The following DST variants were observed in gnomAD, a reference collection of about 807,000 sequenced individuals.
The protein encoded by DST is dystonin.
A neutral mutation model predicts 875.2 loss-of-function variants in DST; 253 were observed. The observed-to-expected ratio is 0.29, with a 90% CI of 0.26 to 0.32. DST has a LOEUF of 0.32. Ranked by LOEUF, DST falls within the 10% of genes least tolerant of loss-of-function variation. DST has a pLI of 1.00. For synonymous variants in DST, 3,124 were observed against 3,197.1 expected (o/e 0.98, Z 0.77); for missense variants, 8,287 against 9,111.6 (o/e 0.91, Z 3.68).
chr6:56,869,748 G>A lies in DST; in HGVS notation c.418-18144C>T, dbSNP rs191475754. On this transcript the variant is annotated intron_variant, in intron 3 of 103. Coordinates refer to ENST00000680361, the MANE Select transcript of DST (RefSeq NM_001374736.1). ...ATCGCTCTGTCACCAAGGCTGAAGT[G>A]CAGTGGTACAATCTCAGCCTCAACC... Among the ~76,000 whole-genome samples, 11 of 152,222 alleles carry A rather than the reference G, an allele frequency of 7.2e-5. No homozygotes were observed. The East Asian group carries it at 1.9e-3, about 27-fold the overall frequency.
In DST at chr6:56,617,055, A is replaced by C. The variant is rs1563216810; in HGVS notation, c.4930-2571T>G. The C allele has an allele frequency of 6.2e-7, 1 of 1,614,092 alleles. No homozygotes were observed. The highest frequency in any genetic ancestry group is 8.5e-7 in the Non-Finnish European group (1 of 1,179,956). On this transcript the variant is annotated intron_variant, in intron 36 of 103. Coordinates refer to ENST00000680361, the MANE Select transcript of DST (RefSeq NM_001374736.1). ...GATTCTAGGTAAAGCCCTGCAATTG[A>C]GGTGGCTTTCGTCAGAAACTTGTTA...
chr6:56,558,941 TC>T (rs751861762), intron 58 of DST, among the ~76,000 whole-genome samples: 2 of 152,136 alleles, frequency 1.3e-5, no homozygotes, highest in Non-Finnish European at 2.9e-5. Flanking sequence ...GTTTTCTCCA[TC>T]CTCAAGACAG....
intron 3 of DST, among the ~76,000 whole-genome samples, chr6:56,883,963 C>T (rs1211829976): frequency 6.6e-6 from 1 of 151,964 alleles, no homozygotes; most frequent in Non-Finnish European, 1.5e-5. Flanking sequence ...GACCATGTTT[C>T]TTCAAAAAAA....
At chr6:56,953,189 G>C (rs1823244181) in intron 2 of DST, among the ~76,000 whole-genome samples, 1 of 152,206 alleles carries the variant, frequency 6.6e-6, no homozygotes, top group African/African-American at 2.4e-5. Context: ...TGTTTCTTCA[G>C]TGGAGCTGGT....
intron 5 of DST, among the ~76,000 whole-genome samples, chr6:56,711,501 C>G (rs1362996453): frequency 1.3e-5 from 2 of 152,114 alleles, no homozygotes; most frequent in Non-Finnish European, 2.9e-5. Context: ...ACATTTTCCC[C>G]TGAACCTGTA....
In DST at chr6:56,572,729, G is replaced by A. The variant is rs1205308085; in HGVS notation, c.13554+18C>T. Reference sequence around the variant, plus strand: ...TTAATCTATCTGATTAGCCTCCTGAGTAGTAAGGGAGGCATACCTGCATAT... The same window carrying A: ...TTAATCTATCTGATTAGCCTCCTGAATAGTAAGGGAGGCATACCTGCATAT... On this transcript the variant is annotated intron_variant, in intron 52 of 103. Transcript: ENST00000680361. 7 of 1,528,184 alleles carry A rather than the reference G, an allele frequency of 4.6e-6. No individual in the cohort carries two copies. The highest frequency in any genetic ancestry group is 6.2e-6 in the Non-Finnish European group (7 of 1,136,174). 94.7% of individuals were successfully genotyped at this position (1,528,184 alleles called of 1,614,324 possible). A position where few individuals can be genotyped will look rare whatever the true frequency, so the allele number is the denominator to read the frequency against.
chr6:56,915,161 C>T (rs969877526), intron 2 of DST, among the ~76,000 whole-genome samples: 2 of 152,180 alleles, frequency 1.3e-5, no homozygotes, highest in Non-Finnish European at 2.9e-5. Flanking sequence ...TTGCATGCAG[C>T]CTTTTCTGAG....
rs574243649 is a variant in DST at position 56,563,720 on chromosome 6, G to A, written c.14006-1520C>T. Among the ~76,000 whole-genome samples, 11 of 152,220 alleles carry A rather than the reference G, an allele frequency of 7.2e-5. No homozygotes were observed. In the East Asian group the frequency reaches 1.4e-3, roughly 19 times the overall value. ...GGATTTTTATGGTTTTAGGCCTTAC[G>A]TTTACGTCTTTAATCCATTTTCAGT... On this transcript the variant is annotated intron_variant, in intron 55 of 103. Transcript: ENST00000680361.
intron 7 of DST, among the ~76,000 whole-genome samples, chr6:56,703,248 T>G (rs943281639): frequency 6.6e-6 from 1 of 152,168 alleles, no homozygotes; most frequent in Admixed American, 6.5e-5. Flanking sequence ...AGTTCTTTCA[T>G]AAAAAGCAAT....
rs775946686 is a variant in DST at position 56,568,593 on chromosome 6, T to C, written c.13881A>G (p.Lys4627=). 1.9e-6 allele frequency: 3 copies of C among 1,598,166 alleles called. No individual in the cohort carries two copies. Among genetic ancestry groups the C allele is most frequent in the Non-Finnish European group, 1.7e-6 (2 of 1,171,698 alleles). ...DLGKSLEDTK[K]LQEKWSLKTP... ...TTTTTAAACTCCACTTTTCTTGTAATTTCTTGAGATATAAAAACACATTAT... is the reference window on the plus strand; with the variant it reads ...TTTTTAAACTCCACTTTTCTTGTAACTTCTTGAGATATAAAAACACATTAT... The change falls in exon 55 of 104, where the codon AAA becomes AAG. Residue 4627 remains lysine, a splice_region_variant and synonymous_variant. Coordinates refer to ENST00000680361, the MANE Select transcript of DST (RefSeq NM_001374736.1).
intron 90 of DST, among the ~76,000 whole-genome samples, chr6:56,481,309 C>T (rs1375233427): frequency 6.6e-6 from 1 of 152,094 alleles, no homozygotes; most frequent in African/African-American, 2.4e-5. Context: ...CTACATTGAG[C>T]GTTACCATTT....
At chr6:56,685,749 C>CA (rs577923345) in intron 9 of DST, among the ~76,000 whole-genome samples, 137 of 151,012 alleles carry the variant, frequency 9.1e-4, no homozygotes, top group Middle Eastern at 6.8e-3. Context: ...GACTCTGTCT[C>CA]AAAAAAAATA....
intron 73 of DST, 131 bp downstream of exon 73, chr6:56,511,066 A>C: frequency 1.3e-6 from 1 of 758,498 alleles, no homozygotes; most frequent in South Asian, 1.9e-5. Context: ...TGAGGGACAC[A>C]GACATCAATA....
chr6:56,819,610 A>G (rs1386878971), intron 4 of DST, among the ~76,000 whole-genome samples: 1 of 152,214 alleles, frequency 6.6e-6, no homozygotes, highest in African/African-American at 2.4e-5. Context: ...TAAAAATTCA[A>G]TTATTTAAAG....
At chr6:56,684,823 C>T (rs2099173149) in intron 9 of DST, among the ~76,000 whole-genome samples, 1 of 152,198 alleles carries the variant, frequency 6.6e-6, no homozygotes, top group Non-Finnish European at 1.5e-5. Context: ...AGACCCTTTT[C>T]ACTGGAGCTT....
chr6:56,474,022 G>A lies in DST; in HGVS notation c.21865-20C>T, dbSNP rs762408429. 1.6e-5 allele frequency: 25 copies of A among 1,560,902 alleles called. No homozygotes were observed. The Admixed American group carries it at 4.8e-4, about 30-fold the overall frequency. ...GAAGGTCTGAAATGAAAGAAATGAT[G>A]TCAATCAAATAAGAGTTACTACAGA... On this transcript the variant is annotated intron_variant, in intron 92 of 103. Transcript: ENST00000680361.
chr6:56,459,392 A>G, intron 103 of DST, 125 bp from the exon 104 acceptor site: 1 of 954,580 alleles, frequency 1.0e-6, no homozygotes, highest in South Asian at 1.8e-5. Context: ...CTCAGAAAAC[A>G]GTTGTGGATT....
chr6:56,598,712 T>C lies in DST; in HGVS notation c.11695-3A>G, dbSNP rs753680417. ...CCTTGCATATCTTTCTGTAATTCCT[T>C]ATAACACAAAAGGAAAAAATATATT... On this transcript the variant is annotated splice_polypyrimidine_tract_variant and splice_region_variant and intron_variant, in intron 45 of 103. Transcript: ENST00000680361. The C allele has an allele frequency of 2.0e-6, 3 of 1,532,912 alleles. No homozygotes were observed. Among genetic ancestry groups the C allele is most frequent in the Non-Finnish European group, 2.6e-6 (3 of 1,137,296 alleles). The allele number at this position is 1,532,912 out of a possible 1,614,324, so 95.0% of individuals were successfully genotyped here. A position where few individuals can be genotyped will look rare whatever the true frequency, so the allele number is the denominator to read the frequency against.
chr6:56,676,623 TAGG>T (rs2099131567), intron 9 of DST, among the ~76,000 whole-genome samples: 1 of 151,690 alleles, frequency 6.6e-6, no homozygotes, highest in Non-Finnish European at 1.5e-5. Flanking sequence ...GGAATCAATC[TAGG>T]TGTCCATCAA....
Sources: gnomAD v4.1 joint callset for allele counts (sites outside exome capture counted in the v4.1 genomes callset) on GRCh38, gnomAD v4.1.1 for gene constraint, MANE v1.5 for transcripts, NCBI Gene and HGNC (gene_info 2026-07-23, HGNC 2026-07-21) for gene names.